Variants in CHRNA5 observed in about 807,000 individuals in gnomAD.
CHRNA5 encodes the protein neuronal acetylcholine receptor subunit alpha-5.
Under a neutral mutation model 41.2 loss-of-function variants are expected in CHRNA5, and 28 were observed. That is an observed-to-expected ratio of 0.68 (90% CI 0.50 to 0.93). The LOEUF (loss-of-function observed/expected upper bound fraction) is 0.93, where lower values mean the gene tolerates loss of function less well. Among genes scored for constraint, CHRNA5 ranks in the 40% least tolerant of loss-of-function variants. CHRNA5 has a pLI of 0.00. For synonymous variants in CHRNA5, 188 were observed against 205.8 expected (o/e 0.91, Z 0.74); for missense variants, 481 against 581.9 (o/e 0.83, Z 1.78).
intron 5 of CHRNA5, among the ~76,000 whole-genome samples, chr15:78,592,676 T>C (rs2053029813): frequency 6.6e-6 from 1 of 152,242 alleles, no homozygotes; most frequent in Non-Finnish European, 1.5e-5. Context: ...CTAACATGTA[T>C]TATTCTGAAC....
chr15:78,572,444 A>G (rs16969948), intron 1 of CHRNA5, among the ~76,000 whole-genome samples: 5,997 of 152,234 alleles, frequency 0.039, 359 homozygotes, highest in African/African-American at 0.12. Flanking sequence ...ATAGTTGGAC[A>G]TCTACTGGTA....
chr15:78,573,251 A>G (rs1424004939), intron 1 of CHRNA5, among the ~76,000 whole-genome samples: 2 of 152,198 alleles, frequency 1.3e-5, no homozygotes, highest in African/African-American at 4.8e-5. Flanking sequence ...CCAGCCCAAA[A>G]TGTCCGTAGT....
intron 1 of CHRNA5, among the ~76,000 whole-genome samples, chr15:78,571,757 T>G (rs555217281): frequency 6.6e-6 from 1 of 152,300 alleles, no homozygotes; most frequent in South Asian, 2.1e-4. Context: ...TATCCTATAA[T>G]TCTGTGATAA....
chr15:78,589,981 A>C, exon 5 of CHRNA5: 1 of 1,614,182 alleles, frequency 6.2e-7, no homozygotes, highest in Non-Finnish European at 8.5e-7. Context: ...GATGGATCAC[A>C]GGTTGATATA....
exon 3 of CHRNA5, chr15:78,586,670 C>T (rs200691818): frequency 6.2e-7 from 1 of 1,602,020 alleles, no homozygotes; most frequent in African/African-American, 1.3e-5. Flanking sequence ...TTAATGACAA[C>T]AAACGTCTGG....
At chr15:78,589,023 T>G (rs190327103) in intron 4 of CHRNA5, 2 of 152,214 alleles carry the variant, frequency 1.3e-5, no homozygotes, top group African/African-American at 4.8e-5. Context: ...CCATTTGGCA[T>G]GAGGACAGAG....
chr15:78,575,650 C>T (rs1033316050), intron 1 of CHRNA5, among the ~76,000 whole-genome samples: 1 of 152,166 alleles, frequency 6.6e-6, no homozygotes, highest in East Asian at 1.9e-4. Flanking sequence ...CTATCAGTTA[C>T]CATTACTTTA....
chr15:78,590,580 C>G, exon 5 of CHRNA5: 2 of 1,614,176 alleles, frequency 1.2e-6, no homozygotes, highest in East Asian at 2.2e-5. Flanking sequence ...GGAAGCTGCG[C>G]TCGATTCTAT....
chr15:78,570,114 G>A (rs969799726), intron 1 of CHRNA5, among the ~76,000 whole-genome samples: 14 of 152,092 alleles, frequency 9.2e-5, no homozygotes, highest in Non-Finnish European at 1.6e-4. Flanking sequence ...GAGCCACCGC[G>A]CCTGGCCTGG....
chr15:78,567,252 CAA>C (rs201126738), intron 1 of CHRNA5, among the ~76,000 whole-genome samples: 6 of 78,702 alleles, frequency 7.6e-5, no homozygotes, highest in Admixed American at 1.5e-4. Flanking sequence ...GACTCCGTCT[CAA>C]AAAAAAAAAA....
chr15:78,566,402 A>G (rs1480321006), intron 1 of CHRNA5, among the ~76,000 whole-genome samples: 1 of 152,220 alleles, frequency 6.6e-6, no homozygotes, highest in African/African-American at 2.4e-5. Context: ...CTAGCTCCTT[A>G]GAGCACAGCT....
intron 1 of CHRNA5, among the ~76,000 whole-genome samples, chr15:78,566,255 C>CG (rs2052746223): frequency 6.6e-6 from 1 of 152,096 alleles, no homozygotes; most frequent in Non-Finnish European, 1.5e-5. Context: ...GCCGCCTCTT[C>CG]CTCCATCCCT....
chr15:78,591,890 G>A (rs746580330), intron 5 of CHRNA5, among the ~76,000 whole-genome samples: 5 of 152,186 alleles, frequency 3.3e-5, no homozygotes, highest in Non-Finnish European at 5.9e-5. Flanking sequence ...TATCATTGGA[G>A]TTTTTAAAAG....
At chr15:78,572,149 T>G (rs1253884142) in intron 1 of CHRNA5, among the ~76,000 whole-genome samples, 2 of 152,142 alleles carry the variant, frequency 1.3e-5, no homozygotes, top group African/African-American at 4.8e-5. Context: ...ATTTCCTTCT[T>G]ATGGCAGCCT....
At chr15:78,579,859 ATCT>A (rs1356455768) in intron 1 of CHRNA5, among the ~76,000 whole-genome samples, 5 of 152,186 alleles carry the variant, frequency 3.3e-5, no homozygotes, top group African/African-American at 1.2e-4. Context: ...GCTATCTGCT[ATCT>A]TCGAGTTCTT....
intron 1 of CHRNA5, among the ~76,000 whole-genome samples, chr15:78,573,963 A>ATTTTTTTTTTTTTT (rs979485573): frequency 2.2e-3 from 224 of 102,064 alleles, no homozygotes; most frequent in Non-Finnish European, 3.2e-3. Context: ...CGCCTGGCTA[A>ATTTTTTTTTTTTTT]TTTTTTTTTT....
At chr15:78,592,508 C>T (rs2053027260) in intron 5 of CHRNA5, among the ~76,000 whole-genome samples, 1 of 152,134 alleles carries the variant, frequency 6.6e-6, no homozygotes, top group African/African-American at 2.4e-5. Flanking sequence ...CTGGGCTCAT[C>T]CTTCTTTTTC....
At chr15:78,567,886 A>C (rs2141393788) in intron 1 of CHRNA5, among the ~76,000 whole-genome samples, 1 of 152,278 alleles carries the variant, frequency 6.6e-6, no homozygotes, top group East Asian at 1.9e-4. Flanking sequence ...TTAACTGTTA[A>C]TATGCATTTG....
At chr15:78,573,083 T>C (rs588765) in intron 1 of CHRNA5, among the ~76,000 whole-genome samples, 98,081 of 152,112 alleles carry the variant, frequency 0.64, 32,078 homozygotes, top group East Asian at 0.82. Context: ...AACAGTGGTT[T>C]GCAAGAAGGG....
Sources: allele counts gnomAD v4.1 joint callset (sites outside exome capture counted in the v4.1 genomes callset), GRCh38; gene constraint gnomAD v4.1.1; transcripts MANE v1.5; gene names NCBI Gene and HGNC (gene_info 2026-07-23, HGNC 2026-07-21).